Variants in NKAIN2 observed in about 807,000 individuals in gnomAD.
The protein encoded by NKAIN2 is sodium/potassium-transporting ATPase subunit beta-1-interacting protein 2.
A neutral mutation model predicts 32.6 loss-of-function variants in NKAIN2; 14 were observed. That is an observed-to-expected ratio of 0.43 (90% CI 0.28 to 0.67). The LOEUF (loss-of-function observed/expected upper bound fraction) is 0.67, where lower values mean the gene tolerates loss of function less well. NKAIN2 is among the 30% of genes least tolerant of loss of function. The probability of loss-of-function intolerance (pLI) is 0.17; values close to 1 mark genes in which losing one functional copy is unlikely to be tolerated. For synonymous variants in NKAIN2, 80 were observed against 87.2 expected (o/e 0.92, Z 0.46); for missense variants, 198 against 258.3 (o/e 0.77, Z 1.60).
intron 1 of NKAIN2, among the ~76,000 whole-genome samples, chr6:124,151,419 A>C (rs772484336): frequency 6.6e-6 from 1 of 151,748 alleles, no homozygotes; most frequent in Non-Finnish European, 1.5e-5. Flanking sequence ...ATGTATATGG[A>C]CTCTTGGATG....
intron 2 of NKAIN2, among the ~76,000 whole-genome samples, chr6:124,326,950 A>C (rs2070176391): frequency 6.6e-6 from 1 of 151,920 alleles, no homozygotes; most frequent in African/African-American, 2.4e-5. Context: ...TATGTTTTTG[A>C]CCTTTCCAAG....
At chr6:123,893,737 G>A (rs865795081) in intron 1 of NKAIN2, among the ~76,000 whole-genome samples, 9 of 152,160 alleles carry the variant, frequency 5.9e-5, no homozygotes, top group African/African-American at 2.2e-4. Flanking sequence ...AGCCTTAAAA[G>A]TACAGATCTA....
At chr6:123,921,062 G>A (rs956335971) in intron 1 of NKAIN2, among the ~76,000 whole-genome samples, 8 of 152,162 alleles carry the variant, frequency 5.3e-5, no homozygotes, top group Admixed American at 1.3e-4. Context: ...TTTTCTCACA[G>A]TGGACAATGG....
rs542999668 is a variant in NKAIN2 at position 124,323,138 on chromosome 6, T to C, written c.193-32129T>C. ...AATTGTATTGTCTGGTTTTATATTATTAACTTTTGGATTGTTTAAATATAA... is the reference window on the plus strand; with the variant it reads ...AATTGTATTGTCTGGTTTTATATTACTAACTTTTGGATTGTTTAAATATAA... On this transcript the variant is annotated intron_variant, in intron 2 of 6. Coordinates refer to ENST00000368417, the MANE Select transcript of NKAIN2 (RefSeq NM_001040214.3). Among the ~76,000 whole-genome samples, 4 of 152,336 alleles carry C rather than the reference T, an allele frequency of 2.6e-5. No individual in the cohort carries two copies. In the South Asian group the frequency reaches 8.3e-4, roughly 32 times the overall value.
chr6:124,367,467 T>G (rs1799571956), intron 3 of NKAIN2, among the ~76,000 whole-genome samples: 1 of 152,132 alleles, frequency 6.6e-6, no homozygotes, highest in Non-Finnish European at 1.5e-5. Context: ...TCCAGCACTC[T>G]GTGGTGGTAG....
At chr6:124,141,557 A>T (rs1244380767) in intron 1 of NKAIN2, among the ~76,000 whole-genome samples, 1 of 152,072 alleles carries the variant, frequency 6.6e-6, no homozygotes, top group East Asian at 1.9e-4. Flanking sequence ...TTTAGGATTA[A>T]CACGGTCAGT....
intron 3 of NKAIN2, among the ~76,000 whole-genome samples, chr6:124,610,223 C>G (rs1461339652): frequency 6.6e-6 from 1 of 152,138 alleles, no homozygotes; most frequent in African/African-American, 2.4e-5. Flanking sequence ...ACATATACAT[C>G]TAAGCTGTAG....
chr6:123,918,837 G>A (rs1199446935), intron 1 of NKAIN2, among the ~76,000 whole-genome samples: 4 of 152,068 alleles, frequency 2.6e-5, no homozygotes, highest in Admixed American at 2.0e-4. Context: ...TATCAAGAAT[G>A]CTTCCTTGAA....
intron 4 of NKAIN2, among the ~76,000 whole-genome samples, chr6:124,694,878 T>C (rs1044256864): frequency 1.1e-4 from 16 of 152,300 alleles, no homozygotes; most frequent in African/African-American, 3.6e-4. Flanking sequence ...GTAAATTTAA[T>C]AAAAATATTT....
chr6:124,344,193 C>G (rs1048299211), intron 2 of NKAIN2, among the ~76,000 whole-genome samples: 2 of 152,082 alleles, frequency 1.3e-5, no homozygotes, highest in African/African-American at 4.8e-5. Flanking sequence ...TGATCTATAT[C>G]TCTGTTTTGG....
intron 1 of NKAIN2, among the ~76,000 whole-genome samples, chr6:123,927,539 G>T (rs1776056029): frequency 6.6e-6 from 1 of 152,198 alleles, no homozygotes; most frequent in Non-Finnish European, 1.5e-5. Context: ...TATGTCCGAT[G>T]CCTCCAATTC....
chr6:124,681,877 C>G (rs1542557), intron 4 of NKAIN2, among the ~76,000 whole-genome samples: 2 of 151,700 alleles, frequency 1.3e-5, no homozygotes, highest in African/African-American at 4.8e-5. Flanking sequence ...TTTAAGAGAT[C>G]ATTTAAATGC....
intron 1 of NKAIN2, among the ~76,000 whole-genome samples, chr6:123,898,874 T>C (rs1338910481): frequency 6.6e-6 from 1 of 152,200 alleles, no homozygotes; most frequent in Non-Finnish European, 1.5e-5. Flanking sequence ...TCCTGAGTCA[T>C]AGGGCTTCCC....
rs568570197 is a variant in NKAIN2, at chr6:124,605,385, T to C, written c.274-52801T>C. ...AAGATACAAAGTATATGACATTTTC[T>C]TCCTCTGTAGCATGCAAGCTTGGTG... On this transcript the variant is annotated intron_variant, in intron 3 of 6. Transcript: ENST00000368417. Among the ~76,000 whole-genome samples the C allele has an allele frequency of 2.0e-5, 3 of 152,218 alleles. No individual in the cohort carries two copies. The South Asian group carries it at 6.2e-4, about 32-fold the overall frequency.
intron 1 of NKAIN2, among the ~76,000 whole-genome samples, chr6:123,989,347 T>C (rs544133431): frequency 2.6e-5 from 4 of 152,310 alleles, no homozygotes; most frequent in African/African-American, 9.6e-5. Context: ...CATTGACTTT[T>C]GGCATATAAT....
intron 1 of NKAIN2, among the ~76,000 whole-genome samples, chr6:123,979,706 G>C: frequency 6.6e-6 from 1 of 152,088 alleles, no homozygotes; most frequent in Non-Finnish European, 1.5e-5. Flanking sequence ...TGTCCTAATT[G>C]CCTCATGCCT....
chr6:124,805,275 G>A (rs1447847039), intron 5 of NKAIN2, among the ~76,000 whole-genome samples: 4 of 152,120 alleles, frequency 2.6e-5, no homozygotes, highest in South Asian at 2.1e-4. Flanking sequence ...ACACGGCCGG[G>A]TACTCCTCTG....
At chr6:124,595,378 C>T (rs1354749824) in intron 3 of NKAIN2, among the ~76,000 whole-genome samples, 1 of 152,142 alleles carries the variant, frequency 6.6e-6, no homozygotes, top group East Asian at 1.9e-4. Context: ...TTTCACAGAC[C>T]CTGCCTGCTC....
chr6:124,290,470 T>C (rs1218301419), intron 2 of NKAIN2, among the ~76,000 whole-genome samples: 1 of 151,568 alleles, frequency 6.6e-6, no homozygotes, highest in Non-Finnish European at 1.5e-5. Context: ...TCTCCAGCTG[T>C]TCCTCATCTC....
Sources: gnomAD v4.1 joint callset for allele counts (sites outside exome capture counted in the v4.1 genomes callset) on GRCh38, gnomAD v4.1.1 for gene constraint, MANE v1.5 for transcripts, NCBI Gene and HGNC (gene_info 2026-07-23, HGNC 2026-07-21) for gene names.